SBF2: variants seen among roughly 807,000 people sequenced by gnomAD.
SBF2 encodes myotubularin-related protein 13.
SBF2 carries 112 observed loss-of-function variants against 225.2 expected under a neutral mutation model. The ratio of observed to expected loss-of-function variants is 0.50; its 90% CI spans 0.43 to 0.58. The LOEUF (loss-of-function observed/expected upper bound fraction) is 0.58, where lower values mean the gene tolerates loss of function less well. SBF2 is among the 20% of genes least tolerant of loss of function. The pLI, the probability that SBF2 is intolerant of heterozygous loss-of-function variation, is 0.00. For synonymous variants in SBF2, 763 were observed against 773.3 expected, an observed-to-expected ratio of 0.99 and a Z score of 0.22; for missense variants, 1,996 against 2,206.2, an observed-to-expected ratio of 0.90 and a Z score of 1.91.
rs1219732069 is a variant in SBF2, at chr11:9,942,939, G to GAAAGA, written c.1860+19017_1860+19018insTCTTT. On this transcript the variant is annotated intron_variant, in intron 16 of 39. Coordinates refer to ENST00000256190, the MANE Select transcript of SBF2 (RefSeq NM_030962.4). The stretch of plus-strand genomic sequence containing the variant: ...AGAAAGAAAGAAAGAAAGAAAGAAA[G>GAAAGA]AAGGAAGGAACGAAGGAAGGAAAGA... Among the ~76,000 whole-genome samples the GAAAGA allele has an allele frequency of 2.2e-4, 32 of 147,650 alleles. No homozygotes were observed. The Admixed American group carries it at 2.2e-3, about 10-fold the overall frequency.
chr11:10,126,621 GTAAA>G (rs1216893096), intron 2 of SBF2, among the ~76,000 whole-genome samples: 1 of 152,028 alleles, frequency 6.6e-6, no homozygotes, highest in Admixed American at 6.6e-5. Context: ...ATTATATTTA[GTAAA>G]TAAATACTGA....
chr11:10,106,470 T>C (rs1301629367), intron 2 of SBF2, among the ~76,000 whole-genome samples: 1 of 151,410 alleles, frequency 6.6e-6, no homozygotes, highest in Non-Finnish European at 1.5e-5. Flanking sequence ...CTACTAAAAA[T>C]ACAAAAAAAA....
intron 13 of SBF2, among the ~76,000 whole-genome samples, chr11:9,968,929 A>G (rs1867144535): frequency 6.6e-6 from 1 of 152,166 alleles, no homozygotes; most frequent in Non-Finnish European, 1.5e-5. Flanking sequence ...AACCATAAAA[A>G]TACCAACAAT....
intron 1 of SBF2, among the ~76,000 whole-genome samples, chr11:10,251,129 C>G (rs917595656): frequency 2.0e-5 from 3 of 152,120 alleles, no homozygotes; most frequent in African/African-American, 7.2e-5. Context: ...ACATGAATAA[C>G]CTTATACTTT....
At chr11:9,974,241 ATTCAGGGT>A (rs1335626547) in intron 13 of SBF2, among the ~76,000 whole-genome samples, 1 of 152,140 alleles carries the variant, frequency 6.6e-6, no homozygotes, top group African/African-American at 2.4e-5. Flanking sequence ...GGTTGCCCTA[ATTCAGGGT>A]TTCTCAACCT....
At chr11:10,076,281 T>C (rs575840292) in intron 2 of SBF2, among the ~76,000 whole-genome samples, 1 of 152,318 alleles carries the variant, frequency 6.6e-6, no homozygotes, top group East Asian at 1.9e-4. Context: ...AAGTGCTCCA[T>C]ATGCACTCCC....
chr11:10,207,864 T>C (rs1957798325), intron 1 of SBF2, among the ~76,000 whole-genome samples: 1 of 152,130 alleles, frequency 6.6e-6, no homozygotes, highest in Admixed American at 6.5e-5. Flanking sequence ...AGAAAACTAC[T>C]ATGTCTTATC....
chr11:9,815,916 C>A (rs983593263), intron 29 of SBF2, among the ~76,000 whole-genome samples: 6 of 152,172 alleles, frequency 3.9e-5, no homozygotes, highest in Non-Finnish European at 7.3e-5. Context: ...AAGCCACTAG[C>A]CTGCTCCAGA....
At chr11:10,293,891 C>G in intron 1 of SBF2, 124 bp downstream of exon 1, 1 of 680,606 alleles carries the variant, frequency 1.5e-6, no homozygotes, top group Non-Finnish European at 2.0e-6. Context: ...GCCGACCGCC[C>G]GCTCCTCCGA....
chr11:10,230,892 T>C (rs1413793579), intron 1 of SBF2, among the ~76,000 whole-genome samples: 1 of 152,194 alleles, frequency 6.6e-6, no homozygotes, highest in African/African-American at 2.4e-5. Context: ...CTGGATAATA[T>C]CCTGCAGAGT....
chr11:10,028,470 G>A lies in SBF2; in HGVS notation c.601C>T (p.Leu201Phe). 1 of 1,610,710 alleles carries A rather than the reference G, an allele frequency of 6.2e-7. No individual in the cohort carries two copies. The highest frequency in any genetic ancestry group is 8.5e-7 in the Non-Finnish European group (1 of 1,176,916). ...GACATACCCAATTGCTGGAACAGGA[G>A]AGCCACACTAGTGCCCGTGATAGGA... ...SLPITGTSVA[L>F]LFQQLGIQNV... Residue 201 changes from leucine (L) to phenylalanine (F), a missense_variant, in exon 6 of 40, where the codon CTC becomes TTC. Leu to Phe is a conservative substitution (Grantham distance 22). Coordinates refer to ENST00000256190, the MANE Select transcript of SBF2 (RefSeq NM_030962.4).
At chr11:9,789,380 C>A in intron 34 of SBF2, 38 bp from the exon 35 acceptor site, 1 of 1,492,930 alleles carries the variant, frequency 6.7e-7, no homozygotes, top group South Asian at 1.1e-5. Flanking sequence ...CATCTTGACC[C>A]CAAAGTACCC....
chr11:9,881,707 G>A (rs1467731719), intron 17 of SBF2, among the ~76,000 whole-genome samples: 2 of 151,840 alleles, frequency 1.3e-5, no homozygotes, highest in African/African-American at 2.4e-5. Context: ...TTTTAGCTTT[G>A]GCCAAGTAGA....
chr11:10,199,423 A>G (rs112627883), intron 1 of SBF2, among the ~76,000 whole-genome samples: 155 of 152,312 alleles, frequency 1.0e-3, no homozygotes, highest in African/African-American at 3.5e-3. Flanking sequence ...AATGCGACAC[A>G]GAGACACAAA....
chr11:9,890,545 A>G (rs967714034), intron 17 of SBF2, among the ~76,000 whole-genome samples: 3 of 152,202 alleles, frequency 2.0e-5, no homozygotes, highest in Non-Finnish European at 4.4e-5. Flanking sequence ...CTACATGTGG[A>G]GGATCTTTAG....
chr11:10,160,806 C>T (rs929097452), intron 2 of SBF2, among the ~76,000 whole-genome samples: 1 of 152,120 alleles, frequency 6.6e-6, no homozygotes, highest in African/African-American at 2.4e-5. Flanking sequence ...GCTATCTCTT[C>T]CTAGAACATT....
In SBF2 at chr11:9,896,630, A is replaced by G. The variant is rs190046670; in HGVS notation, c.1861-619T>C. On this transcript the variant is annotated intron_variant, in intron 16 of 39. Coordinates refer to ENST00000256190, the MANE Select transcript of SBF2 (RefSeq NM_030962.4). The stretch of plus-strand genomic sequence containing the variant: ...AACATGGTGAAACCCTGTCTCTACT[A>G]AAAATACAAAAAGCCAGGCATGGTG... Among the ~76,000 whole-genome samples the G allele has an allele frequency of 4.6e-3, 700 of 152,164 alleles. 6 individuals are homozygous for G. Among genetic ancestry groups the G allele is most frequent in the South Asian group, 9.1e-3 (44 of 4,820 alleles).
chr11:9,833,627 A>T lies in SBF2; in HGVS notation c.3456-1207T>A, dbSNP rs186117584. On this transcript the variant is annotated intron_variant, in intron 26 of 39. Coordinates refer to ENST00000256190, the MANE Select transcript of SBF2 (RefSeq NM_030962.4). Reference sequence around the variant, plus strand: ...AATAGAGACGGGGTTTCACCGTGTTAGCCAGGATGGTCTCGATCTCCTGAC... The same window carrying T: ...AATAGAGACGGGGTTTCACCGTGTTTGCCAGGATGGTCTCGATCTCCTGAC... Among the ~76,000 whole-genome samples the T allele has an allele frequency of 4.3e-4, 66 of 152,074 alleles. 1 individual carries two copies. In the South Asian group the frequency reaches 5.2e-3, roughly 12 times the overall value.
intron 7 of SBF2, among the ~76,000 whole-genome samples, chr11:10,002,115 T>C (rs868061466): frequency 1.3e-5 from 2 of 152,202 alleles, no homozygotes; most frequent in East Asian, 1.9e-4. Context: ...TATATATTTC[T>C]ACCCACTTTT....
Sources: gnomAD v4.1 joint callset for allele counts (sites outside exome capture counted in the v4.1 genomes callset) on GRCh38, gnomAD v4.1.1 for gene constraint, MANE v1.5 for transcripts, NCBI Gene and HGNC (gene_info 2026-07-23, HGNC 2026-07-21) for gene names.